Variants in VDAC1 observed in about 807,000 individuals in gnomAD.
VDAC1 encodes non-selective voltage-gated ion channel VDAC1.
VDAC1 carries 10 observed loss-of-function variants against 34.7 expected under a neutral mutation model. The ratio of observed to expected loss-of-function variants is 0.29; its 90% CI spans 0.18 to 0.49. The LOEUF is 0.49. Ranked by LOEUF, VDAC1 falls within the 20% of genes least tolerant of loss-of-function variation. The pLI is 0.99. For missense variants in VDAC1, 230 were observed against 347.9 expected (o/e 0.66, Z 2.69); for synonymous variants, 130 against 136.0 (o/e 0.96, Z 0.30).
the VDAC1 span, among the ~76,000 whole-genome samples, chr5:134,057,602 T>C: frequency 6.6e-6 from 1 of 151,694 alleles, no homozygotes; most frequent in Non-Finnish European, 1.5e-5. Context: ...GGCACAACAA[T>C]TGCTTGAACC....
chr5:133,984,985 C>T (rs771822708), intron 5 of VDAC1, among the ~76,000 whole-genome samples: 2 of 152,068 alleles, frequency 1.3e-5, no homozygotes, highest in African/African-American at 4.8e-5. Flanking sequence ...ATCTAACCTC[C>T]CTTTGGTCAC....
At chr5:134,040,310 C>T in the VDAC1 span, among the ~76,000 whole-genome samples, 2 of 152,314 alleles carry the variant, frequency 1.3e-5, no homozygotes, top group East Asian at 3.9e-4. Flanking sequence ...GGAGCAGTGG[C>T]TCATGCCTGT....
chr5:134,033,806 C>A, the VDAC1 span, among the ~76,000 whole-genome samples: 35 of 151,904 alleles, frequency 2.3e-4, no homozygotes, highest in Non-Finnish European at 4.3e-4. Flanking sequence ...TCCTGGCTAA[C>A]ACGGTGAAAC....
chr5:134,036,126 A>ACT, the VDAC1 span, among the ~76,000 whole-genome samples: 1 of 152,166 alleles, frequency 6.6e-6, no homozygotes, highest in African/African-American at 2.4e-5. Context: ...TAATATTTGG[A>ACT]TCATCTCCAT....
At chr5:133,984,050 C>G (rs1163630203) in intron 5 of VDAC1, among the ~76,000 whole-genome samples, 1 of 152,002 alleles carries the variant, frequency 6.6e-6, no homozygotes, top group African/African-American at 2.4e-5. Context: ...AATTAGCTAT[C>G]CTCAGGTATT....
At chr5:134,084,847 G>A in the VDAC1 span, among the ~76,000 whole-genome samples, 1 of 152,210 alleles carries the variant, frequency 6.6e-6, no homozygotes, top group Admixed American at 6.5e-5. Context: ...ACCCTAAAGA[G>A]ATTTTACTGT....
the VDAC1 span, among the ~76,000 whole-genome samples, chr5:134,084,819 C>T: frequency 6.6e-6 from 1 of 152,262 alleles, no homozygotes; most frequent in Non-Finnish European, 1.5e-5. Context: ...GAACTATGAA[C>T]TGTCACGCCT....
intron 5 of VDAC1, among the ~76,000 whole-genome samples, chr5:133,983,343 A>G (rs577177300): frequency 1.3e-5 from 2 of 152,300 alleles, no homozygotes; most frequent in Admixed American, 6.5e-5. Flanking sequence ...ATTGCCATTT[A>G]AAGATACATA....
At chr5:134,085,722 TAAAAAAAAAA>T in the VDAC1 span, among the ~76,000 whole-genome samples, 738 of 44,272 alleles carry the variant, frequency 0.017, 26 homozygotes, top group African/African-American at 0.068. Context: ...ACCCCATTTC[TAAAAAAAAAA>T]AAAAAAAAAA....
the VDAC1 span, among the ~76,000 whole-genome samples, chr5:134,108,840 T>C: frequency 6.6e-6 from 1 of 152,100 alleles, no homozygotes; most frequent in Non-Finnish European, 1.5e-5. Flanking sequence ...GGGGTCAAAG[T>C]CCACCATCAC....
chr5:134,087,680 C>A, the VDAC1 span, among the ~76,000 whole-genome samples: 1 of 148,052 alleles, frequency 6.8e-6, no homozygotes, highest in African/African-American at 2.5e-5. Flanking sequence ...CATGGTGAAA[C>A]CCCCGTCTCT....
At chr5:134,046,582 G>C in the VDAC1 span, among the ~76,000 whole-genome samples, 1 of 152,200 alleles carries the variant, frequency 6.6e-6, no homozygotes, top group Non-Finnish European at 1.5e-5. Context: ...TCTTGGGGCA[G>C]GTGGACAGTG....
chr5:133,976,052 T>C, intron 6 of VDAC1, 31 bp from the exon 7 acceptor site: 2 of 1,613,596 alleles, frequency 1.2e-6, no homozygotes, highest in Non-Finnish European at 1.7e-6. Flanking sequence ...GATGCTGAGC[T>C]TCCCAGGGAG....
the VDAC1 span, among the ~76,000 whole-genome samples, chr5:134,057,291 C>T: frequency 6.6e-6 from 1 of 151,922 alleles, no homozygotes; most frequent in African/African-American, 2.4e-5. Context: ...ACCAGCCTGG[C>T]CAATATGGTG....
At chr5:133,995,529 C>T (rs753025513) in intron 1 of VDAC1, among the ~76,000 whole-genome samples, 1 of 152,130 alleles carries the variant, frequency 6.6e-6, no homozygotes, top group Non-Finnish European at 1.5e-5. Flanking sequence ...GAGTCAAGTC[C>T]ACTCCTGGGC....
At chr5:134,044,342 C>T in the VDAC1 span, among the ~76,000 whole-genome samples, 26 of 152,246 alleles carry the variant, frequency 1.7e-4, no homozygotes, top group Admixed American at 1.5e-3. Flanking sequence ...ACGGCCCCTC[C>T]AACAGCAGCC....
the VDAC1 span, among the ~76,000 whole-genome samples, chr5:134,077,026 CT>C: frequency 6.6e-6 from 1 of 152,192 alleles, no homozygotes; most frequent in African/African-American, 2.4e-5. Context: ...CCGCTGTAAT[CT>C]CAGCACTTTG....
the VDAC1 span, among the ~76,000 whole-genome samples, chr5:134,092,768 C>T: frequency 1.4e-4 from 22 of 152,060 alleles, no homozygotes; most frequent in South Asian, 4.2e-3. Flanking sequence ...AAAACCCCAG[C>T]GATGCCCCAC....
chr5:134,092,953 C>A, the VDAC1 span, among the ~76,000 whole-genome samples: 1 of 152,218 alleles, frequency 6.6e-6, no homozygotes, highest in Non-Finnish European at 1.5e-5. Context: ...ACAGCTTTGA[C>A]CAAGGTTTGC....
Sources: allele counts gnomAD v4.1 joint callset (sites outside exome capture counted in the v4.1 genomes callset), GRCh38; gene constraint gnomAD v4.1.1; transcripts MANE v1.5; gene names NCBI Gene and HGNC (gene_info 2026-07-23, HGNC 2026-07-21).